Variants in TPTE2 observed in about 807,000 individuals in gnomAD.
The protein encoded by TPTE2 is transmembrane phosphoinositide 3-phosphatase and tensin homolog 2, also known as phosphatidylinositol 3,4,5-trisphosphate 3-phosphatase TPTE2.
Under a neutral mutation model 78.6 loss-of-function variants are expected in TPTE2, and 53 were observed. The observed-to-expected ratio is 0.67, with a 90% CI of 0.54 to 0.85. The LOEUF (loss-of-function observed/expected upper bound fraction) is 0.85. Among genes scored for constraint, TPTE2 ranks in the 40% least tolerant of loss-of-function variants. The pLI, the probability that TPTE2 is intolerant of heterozygous loss-of-function variation, is 0.00. For missense variants in TPTE2, 461 were observed against 623.0 expected (o/e 0.74, Z 2.77); for synonymous variants, 175 against 206.2 (o/e 0.85, Z 1.30).
At chr13:19,433,431 A>G (rs1238234825) in intron 15 of TPTE2, among the ~76,000 whole-genome samples, 3 of 152,202 alleles carry the variant, frequency 2.0e-5, no homozygotes, top group Non-Finnish European at 2.9e-5. Context: ...TGAACCCAAG[A>G]GGTCGAGGTT....
chr13:19,453,702 T>C (rs1878352567), intron 10 of TPTE2, among the ~76,000 whole-genome samples: 1 of 152,092 alleles, frequency 6.6e-6, no homozygotes, highest in Non-Finnish European at 1.5e-5. Flanking sequence ...GCCAAGAATC[T>C]ACATTTTTCT....
At chr13:19,484,778 G>C (rs1880556478) in intron 3 of TPTE2, among the ~76,000 whole-genome samples, 1 of 151,988 alleles carries the variant, frequency 6.6e-6, no homozygotes, top group African/African-American at 2.4e-5. Flanking sequence ...ACTCTGTTTT[G>C]TCTGATACAA....
upstream of TPTE2, among the ~76,000 whole-genome samples, chr13:19,540,381 T>C (rs1186408081): frequency 2.0e-5 from 3 of 151,566 alleles, no homozygotes; most frequent in African/African-American, 7.3e-5. Context: ...CTCAGCTCAT[T>C]GCAACCTCAA....
At chr13:19,475,965 G>A (rs115225053) in intron 4 of TPTE2, among the ~76,000 whole-genome samples, 1,648 of 152,214 alleles carry the variant, frequency 0.011, 31 homozygotes, top group African/African-American at 0.036. Flanking sequence ...GAAGAGAACC[G>A]TATTTTAATG....
intron 7 of TPTE2, among the ~76,000 whole-genome samples, chr13:19,466,672 G>T (rs527691748): frequency 1.3e-4 from 20 of 152,174 alleles, no homozygotes; most frequent in African/African-American, 4.1e-4. Context: ...TCATCTCCTA[G>T]TTTCTGTTCT....
chr13:19,559,550 T>C, the TPTE2 span, among the ~76,000 whole-genome samples: 1 of 146,432 alleles, frequency 6.8e-6, no homozygotes, highest in Non-Finnish European at 1.5e-5. Flanking sequence ...CGGGCACTAA[T>C]GCCCAATGCA....
At chr13:19,515,062 G>A (rs770379328) in intron 1 of TPTE2, among the ~76,000 whole-genome samples, 14 of 152,156 alleles carry the variant, frequency 9.2e-5, no homozygotes, top group Admixed American at 2.6e-4. Context: ...TCTCTACACC[G>A]TATATTATGC....
intron 3 of TPTE2, among the ~76,000 whole-genome samples, chr13:19,491,018 C>T (rs774536121): frequency 6.6e-6 from 1 of 152,068 alleles, no homozygotes; most frequent in Non-Finnish European, 1.5e-5. Flanking sequence ...CCAACTAGAT[C>T]GAAGAAAGAA....
the TPTE2 span, among the ~76,000 whole-genome samples, chr13:19,544,687 G>C: frequency 1.3e-5 from 2 of 152,186 alleles, no homozygotes; most frequent in African/African-American, 4.8e-5. Flanking sequence ...CTTGAGCCCA[G>C]CAGTTCAAGA....
chr13:19,475,472 C>T (rs1447689509), intron 5 of TPTE2, 101 bp downstream of exon 8: 529 of 1,348,300 alleles, frequency 3.9e-4, no homozygotes, highest in Non-Finnish European at 5.1e-4. Flanking sequence ...GTGATCTGCC[C>T]GCCTCAGCCC....
chr13:19,537,089 C>T (rs1871256732), upstream of TPTE2, among the ~76,000 whole-genome samples: 1 of 151,864 alleles, frequency 6.6e-6, no homozygotes, highest in Non-Finnish European at 1.5e-5. Flanking sequence ...CTAAGGGGTA[C>T]AAATGCTACC....
chr13:19,520,340 T>C (rs2497193), intron 1 of TPTE2, among the ~76,000 whole-genome samples: 149,546 of 152,088 alleles, frequency 0.98, 73,572 homozygotes, highest in Middle Eastern at 1. Flanking sequence ...TTGTCTTGTT[T>C]CTCATCTTAG....
At chr13:19,446,303 T>C (rs924722842) in intron 13 of TPTE2, among the ~76,000 whole-genome samples, 6 of 152,180 alleles carry the variant, frequency 3.9e-5, no homozygotes, top group Non-Finnish European at 7.3e-5. Context: ...AACCATATTA[T>C]AAAGCTACAA....
At chr13:19,489,791 A>T (rs1880898871) in intron 3 of TPTE2, among the ~76,000 whole-genome samples, 1 of 144,926 alleles carries the variant, frequency 6.9e-6, no homozygotes, top group African/African-American at 2.6e-5. Context: ...ATCCTTTAGC[A>T]CTGACTCAAA....
upstream of TPTE2, among the ~76,000 whole-genome samples, chr13:19,503,885 C>T (rs910392287): frequency 6.6e-6 from 1 of 152,128 alleles, no homozygotes; most frequent in African/African-American, 2.4e-5. Context: ...GGACTACAGG[C>T]GCCCGCCACC....
At chr13:19,430,841 G>A (rs572282159) in intron 16 of TPTE2, among the ~76,000 whole-genome samples, 1 of 152,022 alleles carries the variant, frequency 6.6e-6, no homozygotes, top group Non-Finnish European at 1.5e-5. Flanking sequence ...ATTTAGGGAA[G>A]CTAGGCCGGG....
the TPTE2 span, among the ~76,000 whole-genome samples, chr13:19,551,928 A>T: frequency 6.6e-6 from 1 of 152,228 alleles, no homozygotes; most frequent in East Asian, 1.9e-4. Context: ...AAATTGAATT[A>T]AAATGTTTAA....
the TPTE2 span, chr13:19,560,845 C>G: frequency 6.4e-7 from 1 of 1,558,704 alleles, no homozygotes; most frequent in Non-Finnish European, 8.7e-7. Flanking sequence ...CCCGCAGGCT[C>G]TTGGTGAAGC....
the TPTE2 span, among the ~76,000 whole-genome samples, chr13:19,558,799 T>C: frequency 6.6e-6 from 1 of 152,202 alleles, no homozygotes; most frequent in African/African-American, 2.4e-5. Flanking sequence ...TCAAAAAAGA[T>C]AAACGTATTT....
Sources: allele counts gnomAD v4.1 joint callset (sites outside exome capture counted in the v4.1 genomes callset), GRCh38; gene constraint gnomAD v4.1.1; transcripts MANE v1.5; gene names NCBI Gene and HGNC (gene_info 2026-07-23, HGNC 2026-07-21).